The following MAD1L1 variants were observed in gnomAD, a reference collection of about 807,000 sequenced individuals.
The protein encoded by MAD1L1 is mitotic arrest deficient 1 like 1.
Under a neutral mutation model 96.9 loss-of-function variants are expected in MAD1L1, and 95 were observed. The observed-to-expected ratio is 0.98, with a 90% CI of 0.83 to 1.16. MAD1L1 has a LOEUF of 1.16. MAD1L1 is among the 50% of genes most tolerant of loss of function. The pLI is 0.00. For synonymous variants in MAD1L1, 473 were observed against 396.6 expected (o/e 1.19, Z -2.29); for missense variants, 1,007 against 954.4 (o/e 1.06, Z -0.73).
intron 17 of MAD1L1, among the ~76,000 whole-genome samples, chr7:1,915,761 C>T (rs1053922552): frequency 2.0e-5 from 3 of 152,230 alleles, no homozygotes; most frequent in Admixed American, 6.5e-5. Context: ...AATGTCCACA[C>T]GGAGACAGTG....
In MAD1L1 at chr7:2,119,978, T is replaced by C. The variant is rs2128560596; in HGVS notation, c.1073+29174A>G. ...TCCCAGCATGCGCCCAAGGCATCCC[T>C]AGCAATGCCCCAGGTGGAGGAGCCC... On this transcript the variant is annotated intron_variant, in intron 11 of 18. Transcript: ENST00000265854. This position sits in a 1 kb window ranked among gnomAD's most constrained non-coding sequence, Gnocchi z 4.6. Among the ~76,000 whole-genome samples the C allele has an allele frequency of 6.6e-6, 1 of 152,236 alleles. No homozygotes were observed. Among genetic ancestry groups the C allele is most frequent in the South Asian group, 2.1e-4 (1 of 4,828 alleles).
At chr7:2,156,295 G>A (rs1407854313) in intron 10 of MAD1L1, among the ~76,000 whole-genome samples, 1 of 152,168 alleles carries the variant, frequency 6.6e-6, no homozygotes, top group Non-Finnish European at 1.5e-5. Flanking sequence ...TTCACGGCGC[G>A]TGTGGCGAGG....
chr7:1,979,262 T>C (rs577109976), intron 15 of MAD1L1, among the ~76,000 whole-genome samples: 13 of 152,236 alleles, frequency 8.5e-5, no homozygotes, highest in South Asian at 8.3e-4. Context: ...GCAGGGCCAT[T>C]TGATGTCCCC....
intron 12 of MAD1L1, among the ~76,000 whole-genome samples, chr7:2,028,920 G>T (rs1414679219): frequency 1.3e-5 from 2 of 151,950 alleles, no homozygotes; most frequent in African/African-American, 4.8e-5. Flanking sequence ...GCTGCGCAGG[G>T]CAACAAGGCT....
intron 11 of MAD1L1, among the ~76,000 whole-genome samples, chr7:2,094,544 C>A (rs1323110740): frequency 6.6e-6 from 1 of 152,118 alleles, no homozygotes; most frequent in African/African-American, 2.4e-5. Flanking sequence ...GGAAGGCCCA[C>A]GAGGAGGTAA....
chr7:2,187,415 T>A (rs1046507420), intron 10 of MAD1L1, among the ~76,000 whole-genome samples: 23 of 152,180 alleles, frequency 1.5e-4, no homozygotes, highest in African/African-American at 5.1e-4. Context: ...TGCTGACATT[T>A]GAACTGAAGA....
At chr7:1,834,478 TAGTA>T (rs1782851171) in intron 18 of MAD1L1, among the ~76,000 whole-genome samples, 1 of 152,132 alleles carries the variant, frequency 6.6e-6, no homozygotes, top group Non-Finnish European at 1.5e-5. Context: ...GTTAAAAGGA[TAGTA>T]AGAGAAATTA....
At chr7:2,037,350 A>G (rs954205153) in intron 12 of MAD1L1, among the ~76,000 whole-genome samples, 4 of 152,166 alleles carry the variant, frequency 2.6e-5, no homozygotes, top group African/African-American at 9.7e-5. Flanking sequence ...AGGAGCCAGC[A>G]TGGACCCAGG....
At chr7:1,832,633 C>CGGGGGCGGG (rs1562436831) in intron 18 of MAD1L1, among the ~76,000 whole-genome samples, 8 of 2,012 alleles carry the variant, frequency 4.0e-3, no homozygotes, top group African/African-American at 0.02. Flanking sequence ...TTTTTTTTGG[C>CGGGGGCGGG]GGGGGGGGGG....
At chr7:2,007,374 A>G (rs560041793) in intron 13 of MAD1L1, among the ~76,000 whole-genome samples, 79 of 152,364 alleles carry the variant, frequency 5.2e-4, no homozygotes, top group South Asian at 1.0e-3. Flanking sequence ...CGCTGGGAAG[A>G]GCCTGGCAAT....
intron 17 of MAD1L1, among the ~76,000 whole-genome samples, chr7:1,933,887 G>C (rs1259665240): frequency 6.6e-6 from 1 of 152,160 alleles, no homozygotes. Context: ...CCAGTTCCTG[G>C]GCTGCGTTGG....
intron 15 of MAD1L1, among the ~76,000 whole-genome samples, chr7:1,963,874 C>T (rs912054015): frequency 1.3e-5 from 2 of 152,222 alleles, no homozygotes; most frequent in African/African-American, 4.8e-5. Flanking sequence ...CCAGTGTCAC[C>T]GTCTCTCGGC....
chr7:2,182,631 T>C (rs1373965875), intron 10 of MAD1L1, among the ~76,000 whole-genome samples: 2 of 152,190 alleles, frequency 1.3e-5, no homozygotes, highest in South Asian at 2.1e-4. Context: ...ACGTGCCATG[T>C]GGTGGAAGGG....
rs1789305925 is a variant in MAD1L1 at position 2,146,415 on chromosome 7, G to A, written c.1073+2737C>T. Among the ~76,000 whole-genome samples the A allele has an allele frequency of 6.6e-6, 1 of 152,154 alleles. No homozygotes were observed. Among genetic ancestry groups the A allele is most frequent in the Non-Finnish European group, 1.5e-5 (1 of 68,038 alleles). ...GGGAGCACCGGGCACTGGGCTACGA[G>A]GAACAGGGCAGTGGAGCCGCACCCT... On this transcript the variant is annotated intron_variant, in intron 11 of 18. Coordinates refer to ENST00000265854, the MANE Select transcript of MAD1L1 (RefSeq NM_001013836.2). The surrounding 1 kb of genome is among the most constrained non-coding windows in gnomAD (Gnocchi z 6.2).
chr7:2,207,187 A>G (rs963572911), intron 10 of MAD1L1, among the ~76,000 whole-genome samples: 1 of 152,160 alleles, frequency 6.6e-6, no homozygotes, highest in Admixed American at 6.5e-5. Context: ...CTGCCATCTT[A>G]ACAATAATGA....
chr7:1,919,542 G>A (rs1005380427), intron 17 of MAD1L1, among the ~76,000 whole-genome samples: 1 of 152,258 alleles, frequency 6.6e-6, no homozygotes, highest in African/African-American at 2.4e-5. Flanking sequence ...CCACCAGCCT[G>A]GCTCAGCTTC....
At chr7:1,842,650 C>T (rs1025730355) in intron 18 of MAD1L1, among the ~76,000 whole-genome samples, 3 of 152,262 alleles carry the variant, frequency 2.0e-5, no homozygotes, top group East Asian at 1.9e-4. Flanking sequence ...CTTCGTCCTT[C>T]GTCCATCGCT....
At chr7:2,189,185 T>C (rs1791600876) in intron 10 of MAD1L1, among the ~76,000 whole-genome samples, 1 of 152,042 alleles carries the variant, frequency 6.6e-6, no homozygotes, top group Non-Finnish European at 1.5e-5. Flanking sequence ...CACATGGTGA[T>C]GATGTGGAGA....
intron 11 of MAD1L1, among the ~76,000 whole-genome samples, chr7:2,072,373 C>G (rs1785174449): frequency 2.0e-5 from 3 of 152,246 alleles, no homozygotes. Context: ...CCTCGGAAAG[C>G]CCTACACTGA....
Sources: gnomAD v4.1 joint callset for allele counts (sites outside exome capture counted in the v4.1 genomes callset) on GRCh38, gnomAD v4.1.1 for gene constraint, Gnocchi (gnomAD v3.1) non-coding constraint, MANE v1.5 for transcripts, NCBI Gene and HGNC (gene_info 2026-07-23, HGNC 2026-07-21) for gene names.